The following CDH17 variants were observed in gnomAD, a reference collection of about 807,000 sequenced individuals.
CDH17 encodes the protein cadherin-17.
In CDH17, 67 loss-of-function variants were observed where a neutral mutation model predicts 86.3. The ratio of observed to expected loss-of-function variants is 0.78; its 90% CI spans 0.64 to 0.95. The LOEUF (loss-of-function observed/expected upper bound fraction) is 0.95, where lower values mean the gene tolerates loss of function less well. Ranked by LOEUF, CDH17 falls within the 40% of genes least tolerant of loss-of-function variation. The probability of loss-of-function intolerance (pLI) is 0.00; values close to 1 mark genes in which losing one functional copy is unlikely to be tolerated. For missense variants in CDH17, 993 were observed against 1,017.6 expected (o/e 0.98, Z 0.33); for synonymous variants, 367 against 366.4 (o/e 1.00, Z -0.02).
intron 14 of CDH17, among the ~76,000 whole-genome samples, chr8:94,147,872 G>A (rs778890661): frequency 1.3e-4 from 20 of 152,112 alleles, no homozygotes; most frequent in Admixed American, 7.9e-4. Flanking sequence ...ACCTGATTTC[G>A]TCAAAACACA....
chr8:94,214,790 T>C (rs1238492590), intron 1 of CDH17, among the ~76,000 whole-genome samples: 9 of 137,848 alleles, frequency 6.5e-5, no homozygotes, highest in Non-Finnish European at 6.5e-5. Context: ...TATAAACAAC[T>C]CTTACAGCAA....
chr8:94,148,731 TTTTTTTG>T lies in CDH17; in HGVS notation c.1927+6_1927+12del. 6.9e-7 allele frequency: 1 copy of T among 1,440,456 alleles called. No homozygotes were observed. The highest frequency in any genetic ancestry group is 9.1e-7 in the Non-Finnish European group (1 of 1,104,938). The allele number at this position is 1,440,456 out of a possible 1,614,324, so 89.2% of individuals were successfully genotyped here. A position where few individuals can be genotyped will look rare whatever the true frequency, so the allele number is the denominator to read the frequency against. ...TGTTCCTTTTTTTTTGTTTTTTTTT[TTTTTTTG>T]CTTACCTACTTCTGTGGCCACCACT... On this transcript the variant is annotated splice_donor_region_variant and intron_variant, in intron 14 of 17. Transcript: ENST00000027335.
intron 3 of CDH17, 44 bp downstream of exon 3, chr8:94,189,143 G>A: frequency 9.9e-6 from 13 of 1,319,586 alleles, no homozygotes; most frequent in Non-Finnish European, 1.4e-5. Flanking sequence ...TCCACCAAGA[G>A]AGCATACAAA....
chr8:94,186,921 C>CT lies in CDH17; in HGVS notation c.150+2265dup, dbSNP rs376125965. On this transcript the variant is annotated intron_variant, in intron 3 of 17. Transcript: ENST00000027335. ...CTTTGACTGCATCCTGTCTCCCACT[C>CT]TATACTCTGGCCCACATGCCAGCTG... Among the ~76,000 whole-genome samples the CT allele has an allele frequency of 2.1e-3, 313 of 152,304 alleles. 1 individual carries two copies. Among genetic ancestry groups the CT allele is most frequent in the African/African-American group, 7.2e-3 (301 of 41,568 alleles).
chr8:94,191,031 C>G (rs571362212), intron 2 of CDH17, among the ~76,000 whole-genome samples: 1 of 152,164 alleles, frequency 6.6e-6, no homozygotes, highest in Non-Finnish European at 1.5e-5. Flanking sequence ...CCACAGAGAC[C>G]GGTAAACCAA....
intron 11 of CDH17, 124 bp downstream of exon 11, chr8:94,161,962 A>G: frequency 1.6e-6 from 1 of 622,378 alleles, no homozygotes; most frequent in East Asian, 2.8e-5. Flanking sequence ...TTATTTGTGC[A>G]CTGACCAAGG....
At chr8:94,141,940 C>T (rs1812646358) in intron 15 of CDH17, among the ~76,000 whole-genome samples, 1 of 152,032 alleles carries the variant, frequency 6.6e-6, no homozygotes, top group Non-Finnish European at 1.5e-5. Context: ...AATTAATCTA[C>T]CTGATTTCAA....
At chr8:94,189,519 A>T (rs1813645143) in intron 2 of CDH17, among the ~76,000 whole-genome samples, 1 of 152,238 alleles carries the variant, frequency 6.6e-6, no homozygotes, top group Non-Finnish European at 1.5e-5. Flanking sequence ...AGATGAGAAG[A>T]ATCACTCTAT....
chr8:94,193,939 TA>T (rs5893268), intron 2 of CDH17, among the ~76,000 whole-genome samples: 424 of 146,634 alleles, frequency 2.9e-3, no homozygotes, highest in East Asian at 8.1e-3. Flanking sequence ...CTTCCTTCTT[TA>T]AAAAAAAAAA....
At position 94,170,480 on chromosome 8, in the gene CDH17, A is replaced by C. The variant is rs771389223; in HGVS notation, c.983T>G (p.Val328Gly). The change falls in exon 9 of 18, where the codon GTA (valine) becomes GGA (glycine). Residue 328 changes from valine (V) to glycine (G), a missense_variant. Physicochemically the swap from Val to Gly is moderately radical, Grantham distance 109. Coordinates refer to ENST00000027335, the MANE Select transcript of CDH17 (RefSeq NM_004063.4). ...ATTATCATTAATATCTTTAACTTTT[A>C]CATGAATTTCCAGCGGATATGAAAG... is the stretch of plus-strand genomic sequence containing the variant. ...KPLSYPLEIH[V>G]KVKDINDNPP... 1.2e-6 allele frequency: 2 copies of C among 1,613,756 alleles called. No individual in the cohort carries two copies. The highest frequency in any genetic ancestry group is 3.3e-5 in the Admixed American group (2 of 60,010).
At chr8:94,130,214 G>C (rs937367058) in intron 17 of CDH17, among the ~76,000 whole-genome samples, 2 of 152,168 alleles carry the variant, frequency 1.3e-5, no homozygotes, top group Non-Finnish European at 2.9e-5. Context: ...GCCACTGGAA[G>C]GCTAACTTCT....
At position 94,146,173 on chromosome 8, in the gene CDH17, G is replaced by A. The variant is rs901266511; in HGVS notation, c.1928-6C>T. 6.7e-7 allele frequency: 1 copy of A among 1,487,332 alleles called. No homozygotes were observed. The highest frequency in any genetic ancestry group is 8.9e-7 in the Non-Finnish European group (1 of 1,118,614). 92.1% of individuals were successfully genotyped at this position (1,487,332 alleles called of 1,614,324 possible). On this transcript the variant is annotated splice_region_variant and splice_polypyrimidine_tract_variant and intron_variant, in intron 14 of 17. Coordinates refer to ENST00000027335, the MANE Select transcript of CDH17 (RefSeq NM_004063.4). The stretch of plus-strand genomic sequence containing the variant: ...AGAGCTCAAGGAAGACCCCCCTAAG[G>A]AATTGAATGATTGAAACATGGGATC...
chr8:94,137,806 G>A (rs935198418), intron 15 of CDH17, among the ~76,000 whole-genome samples: 5 of 152,204 alleles, frequency 3.3e-5, no homozygotes, highest in African/African-American at 9.6e-5. Flanking sequence ...GAAAGCTCCT[G>A]TAAGTACTGA....
chr8:94,170,295 A>G, intron 9 of CDH17, 102 bp downstream of exon 9: 1 of 1,213,836 alleles, frequency 8.2e-7, no homozygotes, highest in Non-Finnish European at 1.2e-6. Flanking sequence ...TGTGGAAGAC[A>G]TGGATTACTG....
At position 94,165,852 on chromosome 8, in the gene CDH17, T is replaced by C. The variant is rs774043136; in HGVS notation, c.1191A>G (p.Gln397=). 1.2e-6 allele frequency: 2 copies of C among 1,613,926 alleles called. No individual in the cohort carries two copies. The highest frequency in any genetic ancestry group is 1.7e-6 in the Non-Finnish European group (2 of 1,179,846). The stretch of plus-strand genomic sequence containing the variant: ...CTAACTGTAACATTCCAGCATAGGT[T>C]TGGATTAGGAAGAGTCCATCCATGG... ...KLPMDGLFLI[Q]TYAGMLQLAK... The change falls in exon 10 of 18, where the codon CAA becomes CAG. Residue 397 remains glutamine, a synonymous_variant. Coordinates refer to ENST00000027335, the MANE Select transcript of CDH17 (RefSeq NM_004063.4).
chr8:94,216,386 A>G (rs904091708), intron 1 of CDH17, among the ~76,000 whole-genome samples: 3 of 151,990 alleles, frequency 2.0e-5, no homozygotes, highest in African/African-American at 4.8e-5. Flanking sequence ...CTTGGGAGAG[A>G]CCATCTGGCT....
intron 16 of CDH17, 38 bp downstream of exon 16, chr8:94,130,838 C>G (rs1812398436): frequency 1.3e-6 from 2 of 1,508,378 alleles, no homozygotes; most frequent in Non-Finnish European, 1.8e-6. Context: ...CCCATGGTGA[C>G]AGATACTAGC....
rs1217496049 is a variant in CDH17, at chr8:94,177,617, G to C, written c.255C>G (p.Asp85Glu). ...GATTGTGAGTAGATCTTGTTTCCCT[G>C]TCCAAGGCTCTGTTGTAATACAGAA... ...EGLLYYNRAL[D>E]RETRSTHNLQ... The change falls in exon 4 of 18, where the codon GAC becomes GAG. Residue 85 changes from aspartate to glutamate, a missense_variant. By Grantham distance (45) the Asp-to-Glu change is conservative. Coordinates refer to ENST00000027335, the MANE Select transcript of CDH17 (RefSeq NM_004063.4). 1 of 1,613,718 alleles carries C rather than the reference G, an allele frequency of 6.2e-7. No homozygotes were observed. The highest frequency in any genetic ancestry group is 2.2e-5 in the East Asian group (1 of 44,868).
At chr8:94,195,411 G>A (rs1813764531) in intron 1 of CDH17, among the ~76,000 whole-genome samples, 1 of 152,262 alleles carries the variant, frequency 6.6e-6, no homozygotes, top group East Asian at 1.9e-4. Flanking sequence ...CAAGTGAAAA[G>A]AACTAAAGAA....
Sources: allele counts gnomAD v4.1 joint callset (sites outside exome capture counted in the v4.1 genomes callset), GRCh38; gene constraint gnomAD v4.1.1; transcripts MANE v1.5; gene names NCBI Gene and HGNC (gene_info 2026-07-23, HGNC 2026-07-21).